GAS2L2: variants seen among roughly 807,000 people sequenced by gnomAD.
The protein encoded by GAS2L2 is GAS2-like protein 2.
GAS2L2 carries 21 observed loss-of-function variants against 35.2 expected under a neutral mutation model. The ratio of observed to expected loss-of-function variants is 0.60; its 90% CI spans 0.42 to 0.86. GAS2L2 has a LOEUF of 0.86. Among genes scored for constraint, GAS2L2 ranks in the 40% least tolerant of loss-of-function variants. The pLI, the probability that GAS2L2 is intolerant of heterozygous loss-of-function variation, is 0.00. For missense variants in GAS2L2, 1,169 were observed against 1,144.4 expected (o/e 1.02, Z -0.31); for synonymous variants, 490 against 473.2 (o/e 1.04, Z -0.46).
chr17:35,749,987 G>C (rs2085692572), intron 2 of GAS2L2, 90 bp downstream of exon 2: 2 of 1,191,736 alleles, frequency 1.7e-6, no homozygotes, highest in African/African-American at 1.5e-5. Context: ...CAAGAAGGGG[G>C]TGGGTTAGTG....
chr17:35,749,583 T>C (rs2143022077), intron 2 of GAS2L2, among the ~76,000 whole-genome samples: 1 of 152,338 alleles, frequency 6.6e-6, no homozygotes, highest in African/African-American at 2.4e-5. Context: ...TGCTGTGAAG[T>C]GGCCCTCTGT....
Position 35,745,367 on chromosome 17 carries a change from A to G in GAS2L2, c.2130T>C (p.Ser710=), listed in dbSNP as rs78157254. The G allele has an allele frequency of 8.5e-3, 13,501 of 1,596,280 alleles. 67 individuals carry two copies. The highest frequency in any genetic ancestry group is 0.017 in the Middle Eastern group (99 of 5,968). The change falls in exon 6 of 6, where the codon AGT becomes AGC. Residue 710 remains serine, a synonymous_variant. Transcript: ENST00000604641. The part of the protein sequence containing the change: ...QSGPRTKASL[S]AKGTHMRKVP... ...CCTTCCTCATGTGGGTGCCCTTGGC[A>G]CTCAGGCTTGCCTTTGTCCTGGGCC... is the stretch of plus-strand genomic sequence containing the variant.
chr17:35,750,292 A>C lies in GAS2L2; in HGVS notation c.412T>G (p.Leu138Val), dbSNP rs1555599615. 6.8e-6 allele frequency: 11 copies of C among 1,613,714 alleles called. No homozygotes were observed. The highest frequency in any genetic ancestry group is 1.1e-5 in the South Asian group (1 of 91,050). ...QEVLMFETED[L>V]VLRKNVKNVV... ...TTCTTCACGTTCTTGCGCAGCACCA[A>C]GTCCTCCGTCTCGAACATCAGCACC... is the stretch of plus-strand genomic sequence containing the variant. The change falls in exon 2 of 6, where the codon TTG becomes GTG. Residue 138 changes from leucine to valine, a missense_variant. Leu to Val is a conservative substitution (Grantham distance 32). Coordinates refer to ENST00000604641, the MANE Select transcript of GAS2L2 (RefSeq NM_139285.4).
intron 1 of GAS2L2, 69 bp from the exon 2 acceptor site, chr17:35,750,387 A>T (rs2085696836): frequency 6.2e-7 from 1 of 1,603,324 alleles, no homozygotes; most frequent in South Asian, 1.1e-5. Flanking sequence ...CCTCCGGGGC[A>T]GGGGCTAGCG....
chr17:35,747,301 A>G, intron 4 of GAS2L2, 33 bp from the exon 5 acceptor site: 1 of 1,575,284 alleles, frequency 6.3e-7, no homozygotes, highest in Non-Finnish European at 8.6e-7. Context: ...AGGAGAGGAG[A>G]GAAGGGTTCA....
chr17:35,752,800 A>G lies in GAS2L2; in HGVS notation c.51T>C (p.Pro17=), dbSNP rs373713287. 6.2e-7 allele frequency: 1 copy of G among 1,612,898 alleles called. No homozygotes were observed. Among genetic ancestry groups the G allele is most frequent in the African/African-American group, 1.3e-5 (1 of 75,050 alleles). Residue 17 remains proline (P), a synonymous_variant, in exon 1 of 6, where the codon CCT becomes CCC. Coordinates refer to ENST00000604641, the MANE Select transcript of GAS2L2 (RefSeq NM_139285.4). ...ACTTGAAAGGCCGGATACTGCACAC[A>G]GGCGGCCCTAGGGTCCTGGGCTTCC... ...GRRKPRTLGP[P]VCSIRPFKSS...
chr17:35,752,121 A>T (rs1407769236), intron 1 of GAS2L2, among the ~76,000 whole-genome samples: 2 of 152,072 alleles, frequency 1.3e-5, no homozygotes, highest in East Asian at 3.9e-4. Flanking sequence ...ATGAGCCACC[A>T]CACCCAGCCT....
Position 35,750,143 on chromosome 17 carries a change from C to A in GAS2L2, c.561G>T (p.Pro187=). Reference sequence around the variant, plus strand: ...GGGGCGCTGGCGGCGAGGGGTCGGGCGGGGGCAGGGCCAGCTCCCGCCGCA... The same window carrying A: ...GGGGCGCTGGCGGCGAGGGGTCGGGAGGGGGCAGGGCCAGCTCCCGCCGCA... ...EEVRRELALP[P]PDPSPPAPPR... The change falls in exon 2 of 6, where the codon CCG becomes CCT. Residue 187 remains proline (P), a synonymous_variant. Coordinates refer to ENST00000604641, the MANE Select transcript of GAS2L2 (RefSeq NM_139285.4). 1 of 1,587,854 alleles carries A rather than the reference C, an allele frequency of 6.3e-7. No homozygotes were observed.
chr17:35,746,699 G>C (rs1280329013), intron 5 of GAS2L2, among the ~76,000 whole-genome samples: 1 of 152,192 alleles, frequency 6.6e-6, no homozygotes, highest in Admixed American at 6.5e-5. Context: ...GATGGCCTCA[G>C]ACCAGTTGCA....
intron 1 of GAS2L2, among the ~76,000 whole-genome samples, chr17:35,751,884 TCTCA>T (rs1555599830): frequency 8.1e-6 from 1 of 123,008 alleles, no homozygotes; most frequent in African/African-American, 3.2e-5. Context: ...TGAGACAGAC[TCTCA>T]CTCTGTCACC....
chr17:35,747,322 A>G (rs749816961), intron 4 of GAS2L2, 54 bp from the exon 5 acceptor site: 60 of 1,525,678 alleles, frequency 3.9e-5, no homozygotes, highest in Admixed American at 6.0e-5. Context: ...GTTCCTGCCA[A>G]TGGGGACCAT....
intron 1 of GAS2L2, among the ~76,000 whole-genome samples, chr17:35,752,155 A>G (rs893862634): frequency 5.9e-5 from 9 of 152,134 alleles, no homozygotes; most frequent in Non-Finnish European, 1.2e-4. Flanking sequence ...CTAGACCATG[A>G]ATTTGTTGGG....
Position 35,747,229 on chromosome 17 carries a change from G to C in GAS2L2, c.872C>G (p.Pro291Arg), listed in dbSNP as rs1382863370. 1.2e-6 allele frequency: 2 copies of C among 1,613,366 alleles called. No individual in the cohort carries two copies. The highest frequency in any genetic ancestry group is 2.7e-5 in the African/African-American group (2 of 74,888). Residue 291 changes from proline to arginine, a missense_variant, in exon 5 of 6, where the codon CCA becomes CGA. Transcript: ENST00000604641. ...CTGTACCCTTACTTCATGCTGCACT[G>C]GTGGGGCCGGGGGCTTCAGGAAGCT... is the stretch of plus-strand genomic sequence containing the variant. ...PGSFLKPPAP[P>R]VQHEVRVQDG...
intron 5 of GAS2L2, among the ~76,000 whole-genome samples, chr17:35,746,730 G>A (rs1401902898): frequency 3.3e-5 from 5 of 152,174 alleles, no homozygotes; most frequent in Non-Finnish European, 5.9e-5. Flanking sequence ...GAGACAGAGG[G>A]GAATGCACAG....
At position 35,746,684 on chromosome 17, in the gene GAS2L2, C is replaced by T. The variant is rs782444067; in HGVS notation, c.1086-273G>A. On this transcript the variant is annotated intron_variant, in intron 5 of 5. Transcript: ENST00000604641. ...TGGCCTGAGGTGACTTCAGATCCTT[C>T]GAGGGATGGCCTCAGACCAGTTGCA... Among the ~76,000 whole-genome samples, 33 of 152,236 alleles carry T rather than the reference C, an allele frequency of 2.2e-4. 1 individual carries two copies. Among genetic ancestry groups the T allele is most frequent in the South Asian group, 1.9e-3 (9 of 4,824 alleles).
Position 35,745,159 on chromosome 17 carries a change from T to A in GAS2L2, c.2338A>T (p.Ile780Phe). ...SIYKLKLRPR[I>F]RPRRDHRPEK... ...GGCCTGTGGTCTCTCCGGGGCCGAA[T>A]CCTGGGTCTCAGCTTCAGCTTGTAG... The change falls in exon 6 of 6, where the codon ATT (isoleucine) becomes TTT (phenylalanine). Residue 780 changes from isoleucine (I) to phenylalanine (F), a missense_variant. Coordinates refer to ENST00000604641, the MANE Select transcript of GAS2L2 (RefSeq NM_139285.4). 1 of 1,612,752 alleles carries A rather than the reference T, an allele frequency of 6.2e-7. No homozygotes were observed. Among genetic ancestry groups the A allele is most frequent in the Non-Finnish European group, 8.5e-7 (1 of 1,178,996 alleles).
rs2085651695 is a variant in GAS2L2 at position 35,744,710 on chromosome 17, G to A, written c.*144C>T. 2.0e-5 allele frequency: 13 copies of A among 658,818 alleles called. No homozygotes were observed. In the Admixed American group the frequency reaches 3.5e-4, roughly 18 times the overall value. The allele number at this position is 658,818 out of a possible 1,614,324, so 40.8% of individuals were successfully genotyped here. ...GCCCCTTTGCTCAGATGAGCAGATG[G>A]AGTCTATATTTGTCTTCTGACCCAC... is the stretch of plus-strand genomic sequence containing the variant. On this transcript the variant is annotated 3_prime_UTR_variant, in exon 6 of 6. Coordinates refer to ENST00000604641, the MANE Select transcript of GAS2L2 (RefSeq NM_139285.4).
chr17:35,749,088 T>C, intron 3 of GAS2L2, 22 bp downstream of exon 3: 1 of 1,511,426 alleles, frequency 6.6e-7, no homozygotes, highest in Non-Finnish European at 9.2e-7. Context: ...TGGGGGTCCC[T>C]TGACCCCCAG....
rs375527898 is a variant in GAS2L2 at position 35,746,322 on chromosome 17, C to A, written c.1175G>T (p.Gly392Val). The change falls in exon 6 of 6, where the codon GGC (glycine) becomes GTC (valine). Residue 392 changes from glycine (G) to valine (V), a missense_variant. Transcript: ENST00000604641. ...TGACGAGGTACACTGTGGGTCTCGG[C>A]CTTTTTGGGTAGATGAGGACTGGGG... is the stretch of plus-strand genomic sequence containing the variant. ...PSPQSSSTQK[G>V]RDPQCTSSGK... is the part of the protein sequence containing the mutation. 1.6e-5 allele frequency: 23 copies of A among 1,397,900 alleles called. No homozygotes were observed. Among genetic ancestry groups the A allele is most frequent in the Non-Finnish European group, 2.1e-5 (22 of 1,070,700 alleles). 86.6% of individuals were successfully genotyped at this position (1,397,900 alleles called of 1,614,324 possible).
Sources: allele counts gnomAD v4.1 joint callset (sites outside exome capture counted in the v4.1 genomes callset), GRCh38; gene constraint gnomAD v4.1.1; transcripts MANE v1.5; gene names NCBI Gene and HGNC (gene_info 2026-07-23, HGNC 2026-07-21).